ANXA1: variants seen among roughly 807,000 people sequenced by gnomAD.
ANXA1 encodes annexin A1.
ANXA1 carries 39 observed loss-of-function variants against 47.9 expected under a neutral mutation model. That is an observed-to-expected ratio of 0.81 (90% CI 0.63 to 1.06). ANXA1 has a LOEUF of 1.06. Among genes scored for constraint, ANXA1 ranks in the 50% least tolerant of loss-of-function variants. ANXA1 has a pLI of 0.00. For synonymous variants in ANXA1, 146 were observed against 142.5 expected (o/e 1.02, Z -0.17); for missense variants, 446 against 422.7 (o/e 1.06, Z -0.48).
chr9:73,165,117 C>T lies in ANXA1; in HGVS notation c.614C>T (p.Ala205Val). ...NEDLADSDAR[A>V]LYEAGERRKG... The stretch of plus-strand genomic sequence containing the variant: ...GTTTACTTTTGTGTTTCTTGACAGG[C>T]CTTGTATGAAGCAGGAGAAAGGAGA... The change falls in exon 9 of 13, where the codon GCC becomes GTC. Residue 205 changes from alanine to valine, a missense_variant and splice_region_variant. Physicochemically the swap from Ala to Val is moderately conservative, Grantham distance 64. Coordinates refer to ENST00000257497, the MANE Select transcript of ANXA1 (RefSeq NM_000700.3). 6 of 1,611,692 alleles carry T rather than the reference C, an allele frequency of 3.7e-6. No homozygotes were observed. Among genetic ancestry groups the T allele is most frequent in the Non-Finnish European group, 5.1e-6 (6 of 1,178,370 alleles).
intron 7 of ANXA1, 68 bp from the exon 8 acceptor site, chr9:73,163,408 A>G: frequency 1.4e-6 from 2 of 1,442,066 alleles, no homozygotes; most frequent in Non-Finnish European, 1.9e-6. Flanking sequence ...TCTGAGTTTA[A>G]GATAATTAAG....
rs1253098831 is a variant in ANXA1 at position 73,158,759 on chromosome 9, C to G, written c.131C>G (p.Pro44Arg). The G allele has an allele frequency of 6.2e-7, 1 of 1,613,816 alleles. No individual in the cohort carries two copies. The highest frequency in any genetic ancestry group is 8.5e-7 in the Non-Finnish European group (1 of 1,179,896). Residue 44 changes from proline (P) to arginine (R), a missense_variant, in exon 3 of 13, where the codon CCA (proline) becomes CGA (arginine). By Grantham distance (103) the Pro-to-Arg change is moderately radical (BLOSUM62 -2). Coordinates refer to ENST00000257497, the MANE Select transcript of ANXA1 (RefSeq NM_000700.3). ...GTGAGCCCCTATCCTACCTTCAATC[C>G]ATCCTCGGATGTCGCTGCCTTGCAT... ...SAVSPYPTFN[P>R]SSDVAALHKA...
At position 73,163,535 on chromosome 9, in the gene ANXA1, A is replaced by G. The variant is rs115362505; in HGVS notation, c.612+3A>G. On this transcript the variant is annotated splice_donor_region_variant and intron_variant, in intron 8 of 12. Transcript: ENST00000257497. ...ACTTGGCTGATTCAGATGCCAGGGT[A>G]AGGAAGTGCTTACAAAATACTGCTG... 1,526 of 1,612,604 alleles carry G rather than the reference A, an allele frequency of 9.5e-4. 12 individuals carry two copies. The African/African-American group carries it at 0.016, about 17-fold the overall frequency.
intron 1 of ANXA1, chr9:73,154,471 T>G: frequency 1.2e-6 from 1 of 835,576 alleles, no homozygotes; most frequent in Non-Finnish European, 1.7e-6. Flanking sequence ...AGTCTTGTTA[T>G]GTCGCCCAGG....
rs753213189 is a variant in ANXA1 at position 73,170,270 on chromosome 9, T to C, written c.*163T>C. 1.1e-5 allele frequency: 5 copies of C among 460,376 alleles called. No individual in the cohort carries two copies. Among genetic ancestry groups the C allele is most frequent in the African/African-American group, 6.0e-5 (3 of 50,254 alleles). 28.5% of individuals were successfully genotyped at this position (460,376 alleles called of 1,614,324 possible). A position where few individuals can be genotyped will look rare whatever the true frequency, so the allele number is the denominator to read the frequency against. ...ATTTTTATATTATAACTCTGTATAATAGAGATAAGTCCATTTTTTAAAAAT... is the reference window on the plus strand; with the variant it reads ...ATTTTTATATTATAACTCTGTATAACAGAGATAAGTCCATTTTTTAAAAAT... On this transcript the variant is annotated 3_prime_UTR_variant, in exon 13 of 13. Coordinates refer to ENST00000257497, the MANE Select transcript of ANXA1 (RefSeq NM_000700.3).
At chr9:73,162,172 A>C (rs1024483992) in intron 6 of ANXA1, among the ~76,000 whole-genome samples, 1 of 152,174 alleles carries the variant, frequency 6.6e-6, no homozygotes, top group Non-Finnish European at 1.5e-5. Context: ...AACATCTCCC[A>C]ACAGGCCCCA....
At position 73,169,126 on chromosome 9, in the gene ANXA1, A is replaced by G. The variant is rs754170721; in HGVS notation, c.956A>G (p.Tyr319Cys). 8.7e-6 allele frequency: 14 copies of G among 1,612,872 alleles called. No individual in the cohort carries two copies. The highest frequency in any genetic ancestry group is 5.5e-5 in the South Asian group (5 of 91,014). ...NDIKAFYQKMYGISLCQAILD... is the reference protein window; with the variant it reads ...NDIKAFYQKMCGISLCQAILD... Reference sequence around the variant, plus strand: ...ATCAAAGCATTCTATCAGAAGATGTATGGTATCTCCCTTTGCCAAGCCATC... The same window carrying G: ...ATCAAAGCATTCTATCAGAAGATGTGTGGTATCTCCCTTTGCCAAGCCATC... The change falls in exon 12 of 13, where the codon TAT becomes TGT. Residue 319 changes from tyrosine (Y) to cysteine (C), a missense_variant. Tyr to Cys is a radical substitution (Grantham distance 194). Transcript: ENST00000257497.
chr9:73,160,201 C>A, intron 4 of ANXA1, 62 bp from the exon 5 acceptor site: 2 of 1,210,688 alleles, frequency 1.7e-6, no homozygotes, highest in South Asian at 1.4e-5. Context: ...CAGGTAATAT[C>A]ACATTTTTTA....
rs755164564 is a variant in ANXA1 at position 73,160,913 on chromosome 9, A to G, written c.475+20A>G. ...GAGAGGGTAAGTTGTAATGTCCAAC[A>G]GTCCAAACGCCTTATTTGAAAAGGA... On this transcript the variant is annotated intron_variant, in intron 6 of 12. Transcript: ENST00000257497. 31 of 1,485,790 alleles carry G rather than the reference A, an allele frequency of 2.1e-5. No homozygotes were observed. In the South Asian group the frequency reaches 3.4e-4, roughly 16 times the overall value. 92.0% of individuals were successfully genotyped at this position (1,485,790 alleles called of 1,614,324 possible).
At chr9:73,163,555 C>T in intron 8 of ANXA1, 23 bp downstream of exon 8, 2 of 1,611,220 alleles carry the variant, frequency 1.2e-6, no homozygotes, top group Non-Finnish European at 1.7e-6. Context: ...TTACAAAATA[C>T]TGCTGCAGTT....
In ANXA1 at chr9:73,170,143, A is replaced by G. The variant is rs199776886; in HGVS notation, c.*36A>G. 6 of 1,548,952 alleles carry G rather than the reference A, an allele frequency of 3.9e-6. No homozygotes were observed. The African/African-American group carries it at 8.3e-5, about 21-fold the overall frequency. On this transcript the variant is annotated 3_prime_UTR_variant, in exon 13 of 13. Transcript: ENST00000257497. ...GATGGTCTCAAGCTATGATCAGAAG[A>G]CTTTAATTATATATTTTCATCCTAT...
At chr9:73,153,703 T>C (rs900164687) in intron 1 of ANXA1, among the ~76,000 whole-genome samples, 3 of 152,214 alleles carry the variant, frequency 2.0e-5, no homozygotes, top group Non-Finnish European at 4.4e-5. Context: ...TTAGTGTAGA[T>C]ATGTTTTTTA....
intron 12 of ANXA1, 109 bp from the exon 13 acceptor site, chr9:73,169,942 G>A (rs1824295255): frequency 1.5e-6 from 1 of 663,340 alleles, no homozygotes; most frequent in East Asian, 2.8e-5. Flanking sequence ...GAATGGTAAT[G>A]TGTAATCTCA....
Position 73,160,713 on chromosome 9 carries a change from TCAAA to T in ANXA1, c.385-85_385-82del, listed in dbSNP as rs1162408028. Reference sequence around the variant, plus strand: ...GGGTGAAATTTACTAAATGACAGAGTCAAACAAATTTTGGAACACCAAAAACTCA... The same window carrying T: ...GGGTGAAATTTACTAAATGACAGAGTCAAATTTTGGAACACCAAAAACTCA... On this transcript the variant is annotated intron_variant, in intron 5 of 12. Coordinates refer to ENST00000257497, the MANE Select transcript of ANXA1 (RefSeq NM_000700.3). 1.9e-5 allele frequency: 17 copies of T among 891,080 alleles called. No individual in the cohort carries two copies. The East Asian group carries it at 3.9e-4, about 21-fold the overall frequency. The allele number at this position is 891,080 out of a possible 1,614,324, so 55.2% of individuals were successfully genotyped here. A position where few individuals can be genotyped will look rare whatever the true frequency, so the allele number is the denominator to read the frequency against.
In ANXA1 at chr9:73,158,779, T is replaced by C. The variant is rs1370397518; in HGVS notation, c.151T>C (p.Leu51=). Residue 51 remains leucine (L), a synonymous_variant, in exon 3 of 13, where the codon TTG becomes CTG. Transcript: ENST00000257497. ...CAATCCATCCTCGGATGTCGCTGCCTTGCATAAGGCCATAATGGTTAAAGG... is the reference window on the plus strand; with the variant it reads ...CAATCCATCCTCGGATGTCGCTGCCCTGCATAAGGCCATAATGGTTAAAGG... ...TFNPSSDVAA[L]HKAIMVKGVD... is the part of the protein sequence containing the mutation. 6.2e-7 allele frequency: 1 copy of C among 1,613,822 alleles called. No individual in the cohort carries two copies. Among genetic ancestry groups the C allele is most frequent in the South Asian group, 1.1e-5 (1 of 91,078 alleles).
In ANXA1 at chr9:73,170,004, A is replaced by G. The variant is rs775454435; in HGVS notation, c.985-47A>G. 8.4e-6 allele frequency: 12 copies of G among 1,425,562 alleles called. No individual in the cohort carries two copies. In the African/African-American group the frequency reaches 1.3e-4, roughly 15 times the overall value. The allele number at this position is 1,425,562 out of a possible 1,614,324, so 88.3% of individuals were successfully genotyped here. A position where few individuals can be genotyped will look rare whatever the true frequency, so the allele number is the denominator to read the frequency against. On this transcript the variant is annotated intron_variant, in intron 12 of 12. Transcript: ENST00000257497. The stretch of plus-strand genomic sequence containing the variant: ...TTCTATAAGTAAAAAAAAATAGAGA[A>G]TTATGGTTTCGACTAACATTAAGTA...
At chr9:73,165,411 T>C in intron 9 of ANXA1, 2 of 429,514 alleles carry the variant, frequency 4.7e-6, no homozygotes, top group South Asian at 7.2e-5. Context: ...ATACATTTTG[T>C]GACTTGGGCA....
intron 8 of ANXA1, among the ~76,000 whole-genome samples, chr9:73,164,439 T>G (rs939267558): frequency 2.0e-5 from 3 of 152,158 alleles, no homozygotes; most frequent in Non-Finnish European, 4.4e-5. Flanking sequence ...TAAAAAATTC[T>G]TATTTGCTTT....
intron 3 of ANXA1, among the ~76,000 whole-genome samples, 193 bp from the exon 4 acceptor site, chr9:73,159,136 C>T (rs12348535): frequency 0.032 from 4,905 of 152,292 alleles, 288 homozygotes; most frequent in African/African-American, 0.11. Flanking sequence ...CTTCCTTTCT[C>T]ACTCGAATGA....
Sources: gnomAD v4.1 joint callset for allele counts (sites outside exome capture counted in the v4.1 genomes callset) on GRCh38, gnomAD v4.1.1 for gene constraint, MANE v1.5 for transcripts, NCBI Gene and HGNC (gene_info 2026-07-23, HGNC 2026-07-21) for gene names.